The following LAMA1 variants were observed in gnomAD, a reference collection of about 807,000 sequenced individuals.
The protein encoded by LAMA1 is laminin subunit alpha-1.
Under a neutral mutation model 348.7 loss-of-function variants are expected in LAMA1, and 219 were observed. That is an observed-to-expected ratio of 0.63 (90% CI 0.56 to 0.70). LAMA1 has a LOEUF of 0.70. LAMA1 is among the 30% of genes least tolerant of loss of function. LAMA1 has a pLI of 0.00. For synonymous variants in LAMA1, 1,487 were observed against 1,491.0 expected (o/e 1.00, Z 0.06); for missense variants, 3,744 against 3,888.0 (o/e 0.96, Z 0.99).
Position 7,012,043 on chromosome 18 carries a change from G to A in LAMA1, c.3459C>T (p.Ser1153=), listed in dbSNP as rs759733548. The A allele has an allele frequency of 2.0e-5, 32 of 1,611,308 alleles. No homozygotes were observed. The East Asian group carries it at 4.0e-4, about 20-fold the overall frequency. The change falls in exon 24 of 63, where the codon TCC becomes TCT. Residue 1153 remains serine (S), a synonymous_variant. Coordinates refer to ENST00000389658, the MANE Select transcript of LAMA1 (RefSeq NM_005559.4). ...GCTCTGAGCAGAGGTGGGACAGCCC[G>A]GAGCAGAAGCACGGGCTGCAGCCCA... The part of the protein sequence containing the change: ...NPLGCSPCFC[S]GLSHLCSELE...
At chr18:6,981,945 G>A (rs1388191328) in intron 41 of LAMA1, among the ~76,000 whole-genome samples, 1 of 152,114 alleles carries the variant, frequency 6.6e-6, no homozygotes, top group African/African-American at 2.4e-5. Flanking sequence ...TTTATTGGAT[G>A]GATTGCTCTT....
intron 5 of LAMA1, among the ~76,000 whole-genome samples, chr18:7,048,728 T>TA (rs2058051411): frequency 6.6e-6 from 1 of 152,186 alleles, no homozygotes; most frequent in African/African-American, 2.4e-5. Context: ...GAATGTAAAT[T>TA]ATGTCTCAAA....
intron 7 of LAMA1, among the ~76,000 whole-genome samples, chr18:7,043,935 C>G (rs2058031255): frequency 6.6e-6 from 1 of 152,056 alleles, no homozygotes; most frequent in South Asian, 2.1e-4. Flanking sequence ...GCGGGCGGAT[C>G]ACGAGGTCAA....
chr18:7,099,035 G>C (rs1384848968), intron 1 of LAMA1, among the ~76,000 whole-genome samples: 1 of 152,090 alleles, frequency 6.6e-6, no homozygotes, highest in Non-Finnish European at 1.5e-5. Flanking sequence ...AGGGGGGAAA[G>C]GCGGGGAAAA....
intron 1 of LAMA1, among the ~76,000 whole-genome samples, chr18:7,095,261 T>G (rs1358141230): frequency 5.3e-5 from 8 of 152,134 alleles, no homozygotes; most frequent in Non-Finnish European, 1.5e-5. Context: ...TTACTTTATG[T>G]CCACACTTTG....
At chr18:7,068,854 T>C (rs1401728042) in intron 3 of LAMA1, among the ~76,000 whole-genome samples, 1 of 152,040 alleles carries the variant, frequency 6.6e-6, no homozygotes, top group Non-Finnish European at 1.5e-5. Context: ...AAGAAATATC[T>C]CTTGAGAAAT....
At chr18:7,021,842 T>TATTATATAATA (rs1464512885) in intron 19 of LAMA1, among the ~76,000 whole-genome samples, 2 of 62,476 alleles carry the variant, frequency 3.2e-5, no homozygotes, top group African/African-American at 2.3e-4. Flanking sequence ...TAATAATATA[T>TATTATATAATA]TATATTATAT....
rs764843250 is a variant in LAMA1, at chr18:6,962,102, T to C, written c.7338-43A>G. The C allele has an allele frequency of 2.9e-6, 4 of 1,397,434 alleles. No individual in the cohort carries two copies. The South Asian group carries it at 4.6e-5, about 16-fold the overall frequency. The allele number at this position is 1,397,434 out of a possible 1,614,324, so 86.6% of individuals were successfully genotyped here. On this transcript the variant is annotated intron_variant, in intron 51 of 62. Coordinates refer to ENST00000389658, the MANE Select transcript of LAMA1 (RefSeq NM_005559.4). ...AGAACAATCACAAAATTTGGGTTTT[T>C]AAATTCCATTTTTGAAAGAAGGAAT...
intron 21 of LAMA1, 33 bp downstream of exon 21, chr18:7,016,458 T>C: frequency 6.2e-7 from 1 of 1,613,756 alleles, no homozygotes. Context: ...TGGGAATGAC[T>C]ACAAAGTCTC....
At chr18:7,038,494 G>A (rs1344460049) in intron 11 of LAMA1, 2 of 407,376 alleles carry the variant, frequency 4.9e-6, no homozygotes, top group Non-Finnish European at 9.2e-6. Context: ...AGGCCTGAGA[G>A]CAGCAGGGGC....
intron 48 of LAMA1, among the ~76,000 whole-genome samples, chr18:6,969,627 A>G (rs982976867): frequency 3.9e-5 from 6 of 152,224 alleles, no homozygotes; most frequent in African/African-American, 9.6e-5. Flanking sequence ...CCAGAAAAAC[A>G]TATTTAATCA....
intron 46 of LAMA1, 120 bp downstream of exon 46, chr18:6,974,783 T>C: frequency 7.7e-7 from 1 of 1,306,452 alleles, no homozygotes; most frequent in Non-Finnish European, 1.1e-6. Flanking sequence ...CAAGTATTGT[T>C]TGGTTATAAT....
intron 3 of LAMA1, among the ~76,000 whole-genome samples, chr18:7,076,217 A>G (rs149526649): frequency 6.6e-6 from 1 of 152,178 alleles, no homozygotes; most frequent in Non-Finnish European, 1.5e-5. Flanking sequence ...GTAGATCTGA[A>G]TGTCAGTGAG....
chr18:6,973,515 T>A (rs1265971593), intron 46 of LAMA1, among the ~76,000 whole-genome samples: 1 of 152,094 alleles, frequency 6.6e-6, no homozygotes, highest in Admixed American at 6.5e-5. Context: ...CAACAAACCA[T>A]AATATTATAG....
At chr18:7,020,236 C>G (rs1173703078) in intron 19 of LAMA1, among the ~76,000 whole-genome samples, 1 of 152,188 alleles carries the variant, frequency 6.6e-6, no homozygotes, top group East Asian at 1.9e-4. Context: ...CCTGTCCACA[C>G]CTCCGGCTGC....
chr18:6,997,889 A>G lies in LAMA1; in HGVS notation c.4664-5T>C. ...CTACACACTCATCATCACAGGCTAC[A>G]AGACAAATTTTTAAAAAGGAGAGTT... On this transcript the variant is annotated splice_region_variant and splice_polypyrimidine_tract_variant and intron_variant, in intron 32 of 62. Coordinates refer to ENST00000389658, the MANE Select transcript of LAMA1 (RefSeq NM_005559.4). 3.1e-6 allele frequency: 5 copies of G among 1,613,928 alleles called. No individual in the cohort carries two copies. The highest frequency in any genetic ancestry group is 4.2e-6 in the Non-Finnish European group (5 of 1,180,004).
intron 30 of LAMA1, among the ~76,000 whole-genome samples, chr18:7,001,052 A>G (rs1001986268): frequency 1.3e-5 from 2 of 152,234 alleles, no homozygotes; most frequent in East Asian, 1.9e-4. Context: ...AGAAACGTGC[A>G]AAGTAGTAGG....
In LAMA1 at chr18:7,117,706, C is replaced by G; in HGVS notation, c.15G>C (p.Val5=). 1 of 1,598,270 alleles carries G rather than the reference C, an allele frequency of 6.3e-7. No homozygotes were observed. The change falls in exon 1 of 63, where the codon GTG becomes GTC. Residue 5 remains valine (V), a synonymous_variant. Coordinates refer to ENST00000389658, the MANE Select transcript of LAMA1 (RefSeq NM_005559.4). ...CGACACACAGCAGCAAGACCAGGAGCACGCCCCCGCGCATCTCGCCTCCGC... is the reference window on the plus strand; with the variant it reads ...CGACACACAGCAGCAAGACCAGGAGGACGCCCCCGCGCATCTCGCCTCCGC... MRGG[V]LLVLLLCVAA... is the part of the protein sequence containing the mutation.
intron 1 of LAMA1, among the ~76,000 whole-genome samples, chr18:7,111,028 G>A (rs2058333761): frequency 6.6e-6 from 1 of 152,100 alleles, no homozygotes; most frequent in African/African-American, 2.4e-5. Flanking sequence ...CAAGATGCAG[G>A]AAATACTTTC....
Sources: gnomAD v4.1 joint callset for allele counts (sites outside exome capture counted in the v4.1 genomes callset) on GRCh38, gnomAD v4.1.1 for gene constraint, MANE v1.5 for transcripts, NCBI Gene and HGNC (gene_info 2026-07-23, HGNC 2026-07-21) for gene names.